Variants in ZFHX3 observed in about 807,000 individuals in gnomAD.
ZFHX3 encodes zinc finger homeobox 3.
A neutral mutation model predicts 279.1 loss-of-function variants in ZFHX3; 42 were observed. That is an observed-to-expected ratio of 0.15 (90% CI 0.12 to 0.19). The LOEUF (loss-of-function observed/expected upper bound fraction) is 0.19. Ranked by LOEUF, ZFHX3 falls within the 10% of genes least tolerant of loss-of-function variation. The probability of loss-of-function intolerance (pLI) is 1.00; values close to 1 mark genes in which losing one functional copy is unlikely to be tolerated. For missense variants in ZFHX3, 4,981 were observed against 4,754.0 expected (o/e 1.05, Z -1.40); for synonymous variants, 2,293 against 1,957.8 (o/e 1.17, Z -4.52).
intron 4 of ZFHX3, among the ~76,000 whole-genome samples, chr16:72,843,544 C>A (rs1164170318): frequency 1.4e-5 from 2 of 141,122 alleles, no homozygotes; most frequent in African/African-American, 5.2e-5. Flanking sequence ...AAAAAAGCCA[C>A]ACAGTGAGGA....
intron 7 of ZFHX3, among the ~76,000 whole-genome samples, chr16:73,129,762 G>T (rs1269945103): frequency 6.6e-6 from 1 of 152,006 alleles, no homozygotes; most frequent in Non-Finnish European, 1.5e-5. Context: ...CAATGTCTGT[G>T]CTCATGCTCC....
intron 7 of ZFHX3, among the ~76,000 whole-genome samples, chr16:73,115,691 G>GCCCT (rs954733987): frequency 3.1e-4 from 47 of 152,236 alleles, no homozygotes; most frequent in African/African-American, 1.1e-3. Context: ...CTTTCATTTG[G>GCCCT]CCCTCACAAT....
intron 5 of ZFHX3, among the ~76,000 whole-genome samples, chr16:73,178,431 G>A (rs866020530): frequency 2.6e-5 from 4 of 152,010 alleles, no homozygotes; most frequent in Admixed American, 1.3e-4. Context: ...GAGCCACCGC[G>A]CCTGACCATA....
chr16:73,840,387 C>T (rs1393483310), intron 1 of ZFHX3, among the ~76,000 whole-genome samples: 1 of 152,158 alleles, frequency 6.6e-6, no homozygotes, highest in Non-Finnish European at 1.5e-5. Flanking sequence ...ACACAACCCT[C>T]AGCTGAAAGT....
intron 1 of ZFHX3, among the ~76,000 whole-genome samples, chr16:73,887,008 T>C (rs993299618): frequency 6.6e-6 from 1 of 152,164 alleles, no homozygotes; most frequent in Non-Finnish European, 1.5e-5. Context: ...GGAAGAGGAA[T>C]GCAAAAAGAT....
At chr16:72,948,564 A>G (rs1567599280) in intron 3 of ZFHX3, among the ~76,000 whole-genome samples, 1 of 152,212 alleles carries the variant, frequency 6.6e-6, no homozygotes, top group African/African-American at 2.4e-5. Context: ...CAGGCCCGTA[A>G]GAAGCAAAGT....
At chr16:73,675,031 C>A (rs1255065341) in intron 2 of ZFHX3, among the ~76,000 whole-genome samples, 3 of 152,118 alleles carry the variant, frequency 2.0e-5, no homozygotes, top group African/African-American at 7.2e-5. Flanking sequence ...CAGAAGCAAG[C>A]CAGCTGTCAG....
intron 9 of ZFHX3, chr16:72,790,875 C>G (rs1348473820): frequency 6.6e-6 from 1 of 152,154 alleles, no homozygotes; most frequent in African/African-American, 2.4e-5. Context: ...GAGAAAGATT[C>G]AGGTCAAAAA....
chr16:73,380,916 C>A (rs2016809036), intron 3 of ZFHX3, among the ~76,000 whole-genome samples: 1 of 152,106 alleles, frequency 6.6e-6, no homozygotes, highest in Admixed American at 6.6e-5. Flanking sequence ...AATTTCAACC[C>A]TAGGTTCTCT....
At chr16:73,237,310 G>T (rs779760164) in intron 5 of ZFHX3, among the ~76,000 whole-genome samples, 1 of 152,022 alleles carries the variant, frequency 6.6e-6, no homozygotes, top group Non-Finnish European at 1.5e-5. Flanking sequence ...CGCTGGAGTG[G>T]TCACAGCTCA....
intron 3 of ZFHX3, among the ~76,000 whole-genome samples, chr16:72,930,437 C>T (rs957923728): frequency 2.0e-5 from 3 of 151,132 alleles, no homozygotes; most frequent in African/African-American, 4.9e-5. Context: ...AGAGGACGGG[C>T]GATAAGGAGA....
At chr16:73,144,083 T>G (rs1027465944) in intron 5 of ZFHX3, among the ~76,000 whole-genome samples, 2 of 152,328 alleles carry the variant, frequency 1.3e-5, no homozygotes, top group African/African-American at 2.4e-5. Context: ...GAAAGGCATT[T>G]TTAAAAATGA....
chr16:73,142,749 A>C (rs148828062), intron 6 of ZFHX3, among the ~76,000 whole-genome samples: 1 of 151,960 alleles, frequency 6.6e-6, no homozygotes, highest in East Asian at 1.9e-4. Flanking sequence ...TATTCATTGA[A>C]TGATTATAGG....
At chr16:73,537,106 C>G (rs756199066) in intron 2 of ZFHX3, among the ~76,000 whole-genome samples, 31 of 152,016 alleles carry the variant, frequency 2.0e-4, no homozygotes, top group Non-Finnish European at 4.0e-4. Context: ...TCAGTTATGA[C>G]CAATTGAATT....
At chr16:73,094,254 C>T (rs560309630) in intron 7 of ZFHX3, among the ~76,000 whole-genome samples, 1 of 152,160 alleles carries the variant, frequency 6.6e-6, no homozygotes, top group African/African-American at 2.4e-5. Context: ...GAAGTTCACC[C>T]AATTAATTCC....
Position 72,783,963 on chromosome 16 carries a change from A to G in ZFHX3, c.*3201T>C, listed in dbSNP as rs1363335532. On this transcript the variant is annotated 3_prime_UTR_variant, in exon 10 of 10. Coordinates refer to ENST00000268489, the MANE Select transcript of ZFHX3 (RefSeq NM_006885.4). ...TCATGTTTGACCTCTAATGTTCACC[A>G]TCACTGACTGCTTTGCTACTTCTGG... 6.6e-6 allele frequency: 1 copy of G among 152,288 alleles called. No homozygotes were observed. Among genetic ancestry groups the G allele is most frequent in the South Asian group, 2.1e-4 (1 of 4,836 alleles). 9.4% of individuals were successfully genotyped at this position (152,288 alleles called of 1,614,324 possible). A position where few individuals can be genotyped will look rare whatever the true frequency, so the allele number is the denominator to read the frequency against.
chr16:73,785,326 A>G (rs988123883), intron 1 of ZFHX3, among the ~76,000 whole-genome samples: 2 of 152,182 alleles, frequency 1.3e-5, no homozygotes, highest in African/African-American at 4.8e-5. Flanking sequence ...TCTACCAAAA[A>G]TTTATCCCCA....
intron 5 of ZFHX3, among the ~76,000 whole-genome samples, chr16:72,812,290 A>G (rs2036479868): frequency 6.6e-6 from 1 of 152,216 alleles, no homozygotes; most frequent in South Asian, 2.1e-4. Context: ...GAAATGGAAT[A>G]AAAGGCTCTG....
chr16:73,466,530 TA>T (rs1334615892), intron 2 of ZFHX3, among the ~76,000 whole-genome samples: 1 of 152,182 alleles, frequency 6.6e-6, no homozygotes, highest in East Asian at 1.9e-4. Flanking sequence ...AGAAGACTTT[TA>T]TTACCTAGGC....
Sources: allele counts gnomAD v4.1 joint callset (sites outside exome capture counted in the v4.1 genomes callset), GRCh38; gene constraint gnomAD v4.1.1; transcripts MANE v1.5; gene names NCBI Gene and HGNC (gene_info 2026-07-23, HGNC 2026-07-21).